The following PIWIL1 variants were observed in gnomAD, a reference collection of about 807,000 sequenced individuals.
PIWIL1 encodes piwi-like protein 1.
In PIWIL1, 73 loss-of-function variants were observed where a neutral mutation model predicts 114.4. The observed-to-expected ratio is 0.64, with a 90% CI of 0.53 to 0.78. The LOEUF (loss-of-function observed/expected upper bound fraction) is 0.78, where lower values mean the gene tolerates loss of function less well. PIWIL1 is among the 30% of genes least tolerant of loss of function. The pLI is 0.00. For synonymous variants in PIWIL1, 375 were observed against 369.0 expected (o/e 1.02, Z -0.19); for missense variants, 723 against 1,063.1 (o/e 0.68, Z 4.45).
chr12:130,397,193 C>T, the PIWIL1 span: 3 of 374,932 alleles, frequency 8.0e-6, no homozygotes, highest in African/African-American at 6.2e-5. Flanking sequence ...AACCGCTCCT[C>T]TTTGTTCTCG....
the PIWIL1 span, chr12:130,397,550 C>T: frequency 2.5e-6 from 1 of 398,964 alleles, no homozygotes. Flanking sequence ...CAGGAGGAAC[C>T]TAGTAGGTAC....
chr12:130,354,104 T>A (rs2073295235), intron 9 of PIWIL1, among the ~76,000 whole-genome samples: 1 of 152,192 alleles, frequency 6.6e-6, no homozygotes. Context: ...CGTAGGAACT[T>A]CTTCCTTTCC....
intron 2 of PIWIL1, 49 bp from the exon 3 acceptor site, chr12:130,342,941 G>C (rs1402307167): frequency 7.3e-7 from 1 of 1,376,740 alleles, no homozygotes; most frequent in Non-Finnish European, 1.0e-6. Context: ...TTTCTCTGGT[G>C]TCTGACCGCT....
rs1396407162 is a variant in PIWIL1, at chr12:130,346,567, A to G, written c.514A>G (p.Lys172Glu). 6 of 1,612,918 alleles carry G rather than the reference A, an allele frequency of 3.7e-6. No individual in the cohort carries two copies. The highest frequency in any genetic ancestry group is 1.7e-4 in the Middle Eastern group (1 of 5,978). The change falls in exon 5 of 21, where the codon AAA (lysine) becomes GAA (glutamate). Residue 172 changes from lysine (K) to glutamate (E), a missense_variant. Lys to Glu is a moderately conservative substitution (Grantham distance 56). This residue lies in a region of PIWIL1 where 190 missense variants were observed against 294.4 expected (regional missense o/e 0.65). Coordinates refer to ENST00000245255, the MANE Select transcript of PIWIL1 (RefSeq NM_004764.5). ...AFDGTILFLP[K>E]RLQQKVTEVF... is the part of the protein sequence containing the mutation. Reference sequence around the variant, plus strand: ...TGATGGAACGATATTATTTTTACCTAAAAGACTACAGCAAAAGGTTATTTG... The same window carrying G: ...TGATGGAACGATATTATTTTTACCTGAAAGACTACAGCAAAAGGTTATTTG...
chr12:130,363,645 T>TCTCGCTC (rs2073577258), intron 18 of PIWIL1, among the ~76,000 whole-genome samples: 1 of 110,010 alleles, frequency 9.1e-6, no homozygotes, highest in Non-Finnish European at 1.7e-5. Flanking sequence ...TGAGATGGAG[T>TCTCGCTC]CTCGCTCTGT....
the PIWIL1 span, chr12:130,425,738 G>C: frequency 1.3e-5 from 2 of 152,418 alleles, no homozygotes; most frequent in African/African-American, 4.8e-5. Context: ...CCTTCAAGGG[G>C]GCTTGGCTGA....
chr12:130,388,346 C>T, the PIWIL1 span, among the ~76,000 whole-genome samples: 1 of 152,252 alleles, frequency 6.6e-6, no homozygotes, highest in Non-Finnish European at 1.5e-5. Flanking sequence ...TGTGAAGGGC[C>T]ATTTGTCATT....
intron 8 of PIWIL1, 37 bp from the exon 9 acceptor site, chr12:130,349,819 T>C (rs1195914117): frequency 2.6e-6 from 3 of 1,165,090 alleles, no homozygotes; most frequent in East Asian, 4.7e-5. Flanking sequence ...TTCTTCACAT[T>C]TCCATCAAAT....
At chr12:130,369,954 A>G (rs1335201407) in intron 19 of PIWIL1, among the ~76,000 whole-genome samples, 2 of 152,158 alleles carry the variant, frequency 1.3e-5, no homozygotes, top group African/African-American at 2.4e-5. Context: ...ATGAGCACCA[A>G]AGTCATCTGT....
chr12:130,378,570 CTTTTCCCT>C, the PIWIL1 span, among the ~76,000 whole-genome samples: 1 of 143,968 alleles, frequency 6.9e-6, no homozygotes, highest in Non-Finnish European at 1.5e-5. Flanking sequence ...TATTTATGCC[CTTTTCCCT>C]TTTTCTTTAC....
intron 18 of PIWIL1, among the ~76,000 whole-genome samples, chr12:130,364,978 T>A (rs1027166775): frequency 6.6e-6 from 1 of 152,232 alleles, no homozygotes; most frequent in Non-Finnish European, 1.5e-5. Context: ...GGGTCATCTC[T>A]GTTTCTTAGG....
At chr12:130,347,133 A>G in intron 6 of PIWIL1, 71 bp downstream of exon 6, 2 of 1,115,768 alleles carry the variant, frequency 1.8e-6, no homozygotes, top group Non-Finnish European at 2.7e-6. Context: ...GAACATCTGC[A>G]TTCAGTTCTC....
At chr12:130,364,151 T>C (rs1056727328) in intron 18 of PIWIL1, among the ~76,000 whole-genome samples, 2 of 152,258 alleles carry the variant, frequency 1.3e-5, no homozygotes, top group African/African-American at 4.8e-5. Context: ...CAGGGACTGT[T>C]GTATTAAGGG....
At chr12:130,397,228 T>G in the PIWIL1 span, 1 of 391,022 alleles carries the variant, frequency 2.6e-6, no homozygotes, top group Non-Finnish European at 4.5e-6. Context: ...TGGTTGGTAG[T>G]GCAAAAGTGC....
the PIWIL1 span, among the ~76,000 whole-genome samples, chr12:130,402,214 TTC>T: frequency 2.6e-5 from 4 of 152,154 alleles, no homozygotes; most frequent in African/African-American, 9.7e-5. Flanking sequence ...CTAAGTTCCG[TTC>T]TGTTTGGAGA....
the PIWIL1 span, among the ~76,000 whole-genome samples, chr12:130,408,601 C>G: frequency 6.6e-6 from 1 of 152,178 alleles, no homozygotes; most frequent in Non-Finnish European, 1.5e-5. Context: ...ACACAGATAA[C>G]AGGTGAACAC....
intron 1 of PIWIL1, among the ~76,000 whole-genome samples, chr12:130,340,100 G>T (rs2072863742): frequency 6.6e-6 from 1 of 152,160 alleles, no homozygotes; most frequent in South Asian, 2.1e-4. Context: ...CCGTGGTCAC[G>T]CCGGGGAAAC....
chr12:130,403,898 T>C, the PIWIL1 span, among the ~76,000 whole-genome samples: 1 of 152,188 alleles, frequency 6.6e-6, no homozygotes, highest in African/African-American at 2.4e-5. Flanking sequence ...AAACTAAAAC[T>C]TTCTTAGCAT....
Position 130,371,804 on chromosome 12 carries a change from G to T in PIWIL1, c.*206G>T, listed in dbSNP as rs893613554. 6 of 334,408 alleles carry T rather than the reference G, an allele frequency of 1.8e-5. No individual in the cohort carries two copies. The highest frequency in any genetic ancestry group is 6.2e-5 in the South Asian group (1 of 16,202). The allele number at this position is 334,408 out of a possible 1,614,324, so 20.7% of individuals were successfully genotyped here. ...TTAAGATTTTATATTTTATCTTCTT[G>T]TTTCTCATAGATATTTTGTGAGCAT... is the stretch of plus-strand genomic sequence containing the variant. On this transcript the variant is annotated 3_prime_UTR_variant, in exon 21 of 21. Transcript: ENST00000245255.
Sources: allele counts gnomAD v4.1 joint callset (sites outside exome capture counted in the v4.1 genomes callset), GRCh38; gene constraint gnomAD v4.1.1; regional missense constraint gnomAD v4.1.1; transcripts MANE v1.5; gene names NCBI Gene and HGNC (gene_info 2026-07-23, HGNC 2026-07-21).